Variants in ASB4 observed in about 807,000 individuals in gnomAD.
The protein encoded by ASB4 is ankyrin repeat and SOCS box protein 4.
In ASB4, 35 loss-of-function variants were observed where a neutral mutation model predicts 38.6. The ratio of observed to expected loss-of-function variants is 0.91; its 90% confidence interval spans 0.69 to 1.20. The LOEUF (loss-of-function observed/expected upper bound fraction) is 1.20, where lower values mean the gene tolerates loss of function less well. ASB4 is among the 50% of genes most tolerant of loss of function. ASB4 has a pLI of 0.00. For synonymous variants in ASB4, 195 were observed against 201.3 expected (o/e 0.97, Z 0.26); for missense variants, 557 against 527.2 (o/e 1.06, Z -0.55).
At chr7:95,499,815 C>T (rs1046449969) in intron 2 of ASB4, among the ~76,000 whole-genome samples, 18 of 151,108 alleles carry the variant, frequency 1.2e-4, no homozygotes, top group African/African-American at 4.4e-4. Context: ...AACTGAAAGT[C>T]CTTCAGAAGT....
chr7:95,534,008 A>G (rs1384659198), intron 3 of ASB4, among the ~76,000 whole-genome samples: 1 of 152,082 alleles, frequency 6.6e-6, no homozygotes, highest in Non-Finnish European at 1.5e-5. Flanking sequence ...TAATAACTCC[A>G]TCTTAGCTTT....
chr7:95,495,234 A>G (rs1268070473), intron 1 of ASB4, among the ~76,000 whole-genome samples: 2 of 152,206 alleles, frequency 1.3e-5, no homozygotes, highest in Admixed American at 1.3e-4. Flanking sequence ...TTGGAGTGAT[A>G]ATTTTTTTAA....
At chr7:95,522,979 A>G (rs1408257453) in intron 2 of ASB4, among the ~76,000 whole-genome samples, 3 of 152,202 alleles carry the variant, frequency 2.0e-5, no homozygotes, top group Admixed American at 2.0e-4. Context: ...CTGCCCACTT[A>G]GAATGAAAAC....
At chr7:95,527,693 G>A (rs868549008) in intron 2 of ASB4, 120 bp from the exon 3 acceptor site, 10 of 1,005,558 alleles carry the variant, frequency 9.9e-6, no homozygotes, top group Middle Eastern at 3.2e-4. Flanking sequence ...TGAGGGTTGG[G>A]GATAATATAC....
At chr7:95,546,994 G>A in the ASB4 span, among the ~76,000 whole-genome samples, 18 of 152,208 alleles carry the variant, frequency 1.2e-4, no homozygotes, top group Middle Eastern at 0.01. Context: ...AATTTCCCAC[G>A]TCCCCTTTTA....
upstream of ASB4, among the ~76,000 whole-genome samples, chr7:95,476,113 T>C (rs1789974393): frequency 6.6e-6 from 1 of 152,248 alleles, no homozygotes; most frequent in Non-Finnish European, 1.5e-5. Context: ...GTCTGCCTTA[T>C]TGTATAACCA....
At chr7:95,526,936 A>G (rs1379844848) in intron 2 of ASB4, among the ~76,000 whole-genome samples, 1 of 152,218 alleles carries the variant, frequency 6.6e-6, no homozygotes, top group Non-Finnish European at 1.5e-5. Flanking sequence ...TTCTAATTAG[A>G]AAAACAAAAT....
intron 2 of ASB4, among the ~76,000 whole-genome samples, chr7:95,522,745 T>C (rs1790681243): frequency 6.6e-6 from 1 of 152,222 alleles, no homozygotes; most frequent in Non-Finnish European, 1.5e-5. Context: ...TTATCTTATC[T>C]GTCCTGTTCA....
intron 1 of ASB4, among the ~76,000 whole-genome samples, chr7:95,491,502 T>C (rs1790170942): frequency 6.6e-6 from 1 of 152,184 alleles, no homozygotes; most frequent in South Asian, 2.1e-4. Flanking sequence ...AGAGGGGGGC[T>C]TTTGAAAGAC....
chr7:95,550,066 C>G, the ASB4 span, among the ~76,000 whole-genome samples: 1 of 152,218 alleles, frequency 6.6e-6, no homozygotes, highest in Non-Finnish European at 1.5e-5. Flanking sequence ...GAAATCCAAC[C>G]TGTATTTACT....
intron 2 of ASB4, among the ~76,000 whole-genome samples, chr7:95,505,173 C>T (rs555802711): frequency 2.6e-5 from 4 of 152,076 alleles, no homozygotes; most frequent in East Asian, 1.9e-4. Context: ...GCAAAATGGC[C>T]GTTATTTAAA....
rs1014993212 is a variant in ASB4, at chr7:95,539,744, A to T, written c.*1985A>T. The stretch of plus-strand genomic sequence containing the variant: ...ATGGGGACTTGCAAGGGGAAGCTTG[A>T]GAGTGGGGTGAGGGATAAAAGACTA... On this transcript the variant is annotated 3_prime_UTR_variant, in exon 5 of 5. Coordinates refer to ENST00000325885, the MANE Select transcript of ASB4 (RefSeq NM_016116.3). 6.6e-6 allele frequency: 1 copy of T among 152,304 alleles called. No homozygotes were observed. The highest frequency in any genetic ancestry group is 1.5e-5 in the Non-Finnish European group (1 of 68,126). The allele number at this position is 152,304 out of a possible 1,614,324, so 9.4% of individuals were successfully genotyped here.
chr7:95,473,335 AT>A, the ASB4 span, among the ~76,000 whole-genome samples: 1 of 152,190 alleles, frequency 6.6e-6, no homozygotes, highest in Non-Finnish European at 1.5e-5. Flanking sequence ...CAAGAACCCA[AT>A]GAGGTATTAT....
At chr7:95,499,601 A>T (rs1163308209) in intron 2 of ASB4, among the ~76,000 whole-genome samples, 1 of 152,208 alleles carries the variant, frequency 6.6e-6, no homozygotes, top group Non-Finnish European at 1.5e-5. Flanking sequence ...AATGGGTGGT[A>T]AGAAACCAGA....
At chr7:95,477,773 A>G (rs1417542335), upstream of ASB4, among the ~76,000 whole-genome samples, 1 of 151,776 alleles carries the variant, frequency 6.6e-6, no homozygotes, top group Non-Finnish European at 1.5e-5. Flanking sequence ...TGATTCTACA[A>G]GCAAAATTAA....
upstream of ASB4, among the ~76,000 whole-genome samples, chr7:95,482,880 T>G (rs1391669050): frequency 1.3e-5 from 2 of 152,108 alleles, no homozygotes; most frequent in Non-Finnish European, 2.9e-5. Context: ...GGGGGTGGTT[T>G]AGAAACAACC....
chr7:95,523,513 AG>A (rs1171562899), intron 2 of ASB4, among the ~76,000 whole-genome samples: 10 of 152,242 alleles, frequency 6.6e-5, no homozygotes, highest in African/African-American at 2.4e-4. Flanking sequence ...TTAAAAAATA[AG>A]AATTTTTGCA....
chr7:95,483,377 T>C (rs1462971074), upstream of ASB4, among the ~76,000 whole-genome samples: 2 of 152,222 alleles, frequency 1.3e-5, no homozygotes, highest in African/African-American at 4.8e-5. Flanking sequence ...ATGTATCCCA[T>C]ATTCCCTGAA....
In ASB4 at chr7:95,517,077, G is replaced by A. The variant is rs117835667; in HGVS notation, c.488-10736G>A. ...CCCTGTGTTAATGATCATTTGCATG[G>A]TTTGTTCTTGTAGAAATGTCTGTTT... On this transcript the variant is annotated intron_variant, in intron 2 of 4. Transcript: ENST00000325885. Among the ~76,000 whole-genome samples, 1,444 of 152,280 alleles carry A rather than the reference G, an allele frequency of 9.5e-3. 15 individuals are homozygous for A. The highest frequency in any genetic ancestry group is 0.03 in the South Asian group (142 of 4,810).
Sources: allele counts gnomAD v4.1 joint callset (sites outside exome capture counted in the v4.1 genomes callset), GRCh38; gene constraint gnomAD v4.1.1; transcripts MANE v1.5; gene names NCBI Gene and HGNC (gene_info 2026-07-23, HGNC 2026-07-21).